The following TMEM108 variants were observed in gnomAD, a reference collection of about 807,000 sequenced individuals.
The protein encoded by TMEM108 is transmembrane protein 108.
TMEM108 carries 12 observed loss-of-function variants against 35.1 expected under a neutral mutation model. That is an observed-to-expected ratio of 0.34 (90% CI 0.22 to 0.55). The LOEUF (loss-of-function observed/expected upper bound fraction) is 0.55, where lower values mean the gene tolerates loss of function less well. Ranked by LOEUF, TMEM108 falls within the 20% of genes least tolerant of loss-of-function variation. The probability of loss-of-function intolerance (pLI) is 0.89; values close to 1 mark genes in which losing one functional copy is unlikely to be tolerated. For synonymous variants in TMEM108, 287 were observed against 308.6 expected (o/e 0.93, Z 0.73); for missense variants, 680 against 753.3 (o/e 0.90, Z 1.14).
At chr3:133,377,254 T>G (rs2072870522) in intron 3 of TMEM108, among the ~76,000 whole-genome samples, 1 of 152,156 alleles carries the variant, frequency 6.6e-6, no homozygotes, top group African/African-American at 2.4e-5. Context: ...TTAACAACAC[T>G]TAACACTTGT....
At chr3:133,189,452 T>G (rs1437446942) in intron 2 of TMEM108, among the ~76,000 whole-genome samples, 1 of 152,188 alleles carries the variant, frequency 6.6e-6, no homozygotes, top group Non-Finnish European at 1.5e-5. Flanking sequence ...CATTCATCCA[T>G]TACATTGGGA....
At chr3:133,201,199 G>T (rs767148243) in intron 2 of TMEM108, among the ~76,000 whole-genome samples, 112 of 152,154 alleles carry the variant, frequency 7.4e-4, no homozygotes, top group Middle Eastern at 3.4e-3. Context: ...GAAACAGATG[G>T]CTAGTTGTTT....
At chr3:133,379,677 G>T (rs2072943072) in intron 3 of TMEM108, 75 bp from the exon 4 acceptor site, 2 of 1,467,158 alleles carry the variant, frequency 1.4e-6, no homozygotes, top group Non-Finnish European at 1.9e-6. Flanking sequence ...ACTGTCCTAG[G>T]CCACAGGTAA....
intron 3 of TMEM108, among the ~76,000 whole-genome samples, chr3:133,372,957 T>G (rs1293059911): frequency 6.6e-6 from 1 of 152,244 alleles, no homozygotes; most frequent in African/African-American, 2.4e-5. Flanking sequence ...ATATTTATTT[T>G]TGGTTAAGGG....
intron 2 of TMEM108, among the ~76,000 whole-genome samples, chr3:133,083,711 G>GT (rs1463740146): frequency 2.6e-5 from 4 of 151,958 alleles, no homozygotes; most frequent in East Asian, 1.9e-4. Context: ...TGGTATTTCT[G>GT]TTTTTTTAAA....
intron 3 of TMEM108, among the ~76,000 whole-genome samples, chr3:133,342,555 T>TATACAC (rs60991711): frequency 6.3e-5 from 4 of 63,452 alleles, no homozygotes; most frequent in African/African-American, 1.0e-4. Flanking sequence ...TATATATATA[T>TATACAC]ACACACACAC....
chr3:133,247,363 T>G (rs1946401746), intron 3 of TMEM108: 1 of 152,216 alleles, frequency 6.6e-6, no homozygotes, highest in Non-Finnish European at 1.5e-5. Context: ...TTCAGATGTC[T>G]TTTTAAGCTA....
intron 2 of TMEM108, among the ~76,000 whole-genome samples, chr3:133,072,373 T>C (rs1943686656): frequency 6.6e-6 from 1 of 152,134 alleles, no homozygotes; most frequent in South Asian, 2.1e-4. Flanking sequence ...AATCAGAGAA[T>C]GGGTTATTCT....
At chr3:133,193,535 C>T (rs1945530939) in intron 2 of TMEM108, among the ~76,000 whole-genome samples, 1 of 152,214 alleles carries the variant, frequency 6.6e-6, no homozygotes, top group South Asian at 2.1e-4. Context: ...CCTGAGTAAC[C>T]TAAACTTTCT....
chr3:133,202,049 A>C (rs1378911294), intron 2 of TMEM108, among the ~76,000 whole-genome samples: 1 of 152,250 alleles, frequency 6.6e-6, no homozygotes, highest in Non-Finnish European at 1.5e-5. Context: ...TCAAATGACC[A>C]GTGATGATGA....
chr3:133,052,541 G>GAA (rs563092234), intron 2 of TMEM108, among the ~76,000 whole-genome samples: 44 of 117,846 alleles, frequency 3.7e-4, no homozygotes, highest in Admixed American at 6.0e-4. Context: ...TACAATGTTT[G>GAA]AAAAAAAAAA....
At chr3:133,074,628 T>C (rs142213165) in intron 2 of TMEM108, among the ~76,000 whole-genome samples, 3,080 of 152,316 alleles carry the variant, frequency 0.02, 46 homozygotes, top group Non-Finnish European at 0.03. Flanking sequence ...TAGCTGGGAT[T>C]ACAGCATGTG....
At chr3:133,311,357 G>A (rs2071126437) in intron 3 of TMEM108, among the ~76,000 whole-genome samples, 1 of 152,200 alleles carries the variant, frequency 6.6e-6, no homozygotes, top group South Asian at 2.1e-4. Flanking sequence ...CCAATCAGAT[G>A]TAGATTTGGT....
intron 3 of TMEM108, among the ~76,000 whole-genome samples, chr3:133,290,318 C>T (rs1378661333): frequency 1.3e-5 from 2 of 152,082 alleles, no homozygotes. Context: ...AGACTTAGTT[C>T]TTCTCTTCAT....
At position 133,380,948 on chromosome 3, in the gene TMEM108, C is replaced by A. The variant is rs746858411; in HGVS notation, c.1237C>A (p.Arg413=). 6.2e-7 allele frequency: 1 copy of A among 1,614,172 alleles called. No homozygotes were observed. Among genetic ancestry groups the A allele is most frequent in the East Asian group, 2.2e-5 (1 of 44,890 alleles). ...ETVATLTMTD[R]VPSPLSTVVS... is the part of the protein sequence containing the mutation. ...TGTGGCCACCCTCACCATGACCGAC[C>A]GGGTGCCCAGTCCTCTCTCCACAGT... The change falls in exon 4 of 6, where the codon CGG becomes AGG. Residue 413 remains arginine, a synonymous_variant. Coordinates refer to ENST00000321871, the MANE Select transcript of TMEM108 (RefSeq NM_023943.4). The surrounding 1 kb of genome is among the most constrained non-coding windows in gnomAD (Gnocchi z 5.3).
intron 2 of TMEM108, among the ~76,000 whole-genome samples, chr3:133,135,726 A>G (rs995817944): frequency 1.3e-5 from 2 of 152,328 alleles, no homozygotes; most frequent in Middle Eastern, 3.4e-3. Context: ...AAGAAAAGAA[A>G]TTTTAAAAGA....
intron 3 of TMEM108, among the ~76,000 whole-genome samples, chr3:133,274,211 A>G (rs1334298911): frequency 6.6e-6 from 1 of 152,212 alleles, no homozygotes; most frequent in Admixed American, 6.5e-5. Context: ...GTTCTTGGTT[A>G]TTCCAGTATG....
chr3:133,382,560 G>A (rs1576536522), intron 4 of TMEM108, among the ~76,000 whole-genome samples: 2 of 152,328 alleles, frequency 1.3e-5, no homozygotes, highest in African/African-American at 2.4e-5. Flanking sequence ...AGAGGGAGCC[G>A]ATGGTGGACT....
At chr3:133,186,268 T>A (rs2107809297) in intron 2 of TMEM108, among the ~76,000 whole-genome samples, 1 of 152,340 alleles carries the variant, frequency 6.6e-6, no homozygotes, top group East Asian at 1.9e-4. Flanking sequence ...GTGATGAATT[T>A]GTGACACATT....
Sources: allele counts gnomAD v4.1 joint callset (sites outside exome capture counted in the v4.1 genomes callset), GRCh38; gene constraint gnomAD v4.1.1; non-coding constraint Gnocchi (gnomAD v3.1); transcripts MANE v1.5; gene names NCBI Gene and HGNC (gene_info 2026-07-23, HGNC 2026-07-21).